The following PCSK2 variants were observed in gnomAD, a reference collection of about 807,000 sequenced individuals.
The protein encoded by PCSK2 is neuroendocrine convertase 2.
A neutral mutation model predicts 69.7 loss-of-function variants in PCSK2; 14 were observed. The ratio of observed to expected loss-of-function variants is 0.20; its 90% CI spans 0.13 to 0.31. The LOEUF (loss-of-function observed/expected upper bound fraction) is 0.31, where lower values mean the gene tolerates loss of function less well. Ranked by LOEUF, PCSK2 falls within the 10% of genes least tolerant of loss-of-function variation. The pLI, the probability that PCSK2 is intolerant of heterozygous loss-of-function variation, is 1.00. For synonymous variants in PCSK2, 307 were observed against 320.7 expected (o/e 0.96, Z 0.46); for missense variants, 544 against 842.5 (o/e 0.65, Z 4.39).
intron 2 of PCSK2, among the ~76,000 whole-genome samples, chr20:17,277,966 A>G (rs1400404719): frequency 6.6e-6 from 1 of 152,138 alleles, no homozygotes; most frequent in Non-Finnish European, 1.5e-5. Flanking sequence ...AACACATGAA[A>G]AAATGCTCAT....
Position 17,453,671 on chromosome 20 carries a change from GCT to G in PCSK2, c.886-70_886-69del. ...ACTGCTGAAGAAGCCCAACCCCTGG[GCT>G]GGAGACCTCCCCTGCCCCCTCGCAG... On this transcript the variant is annotated intron_variant, in intron 8 of 11. Coordinates refer to ENST00000262545, the MANE Select transcript of PCSK2 (RefSeq NM_002594.5). This position sits in a 1 kb window ranked among gnomAD's most constrained non-coding sequence, Gnocchi z 4.0. 18 of 1,570,444 alleles carry G rather than the reference GCT, an allele frequency of 1.1e-5. No homozygotes were observed. Among genetic ancestry groups the G allele is most frequent in the Non-Finnish European group, 1.6e-5 (18 of 1,154,110 alleles).
rs149361296 is a variant in PCSK2 at position 17,367,027 on chromosome 20, G to A, written c.506-2213G>A. On this transcript the variant is annotated intron_variant, in intron 4 of 11. Coordinates refer to ENST00000262545, the MANE Select transcript of PCSK2 (RefSeq NM_002594.5). ...GTGTGTCTTTTTTTACACTTATTTA[G>A]ATAAGTTCGTTTGATCTAGCTAAGT... Among the ~76,000 whole-genome samples, 20 of 151,664 alleles carry A rather than the reference G, an allele frequency of 1.3e-4. No individual in the cohort carries two copies. In the East Asian group the frequency reaches 2.3e-3, roughly 18 times the overall value.
At position 17,391,389 on chromosome 20, in the gene PCSK2, T is replaced by C. The variant is rs76954921; in HGVS notation, c.544-17874T>C. 3.8e-3 allele frequency among the ~76,000 whole-genome samples: 584 copies of C among 151,980 alleles called. 14 individuals carry two copies. In the East Asian group the frequency reaches 0.05, roughly 13 times the overall value. On this transcript the variant is annotated intron_variant, in intron 5 of 11. Transcript: ENST00000262545. ...ATAATGAGGAAATAAAACACATGAT[T>C]TAAAAAAAATAAAAAAACTCATCAA...
chr20:17,465,816 C>T (rs111706281), intron 11 of PCSK2, among the ~76,000 whole-genome samples: 15,038 of 152,120 alleles, frequency 0.099, 818 homozygotes, highest in Non-Finnish European at 0.12. Context: ...CACAGGCATG[C>T]GCCACCACAC....
chr20:17,400,657 G>A (rs1385341924), intron 5 of PCSK2, among the ~76,000 whole-genome samples: 1 of 151,800 alleles, frequency 6.6e-6, no homozygotes, highest in Admixed American at 6.6e-5. Context: ...TAGACCCCAC[G>A]CCTCTCCCCA....
chr20:17,333,410 C>T (rs1043031744), intron 2 of PCSK2, among the ~76,000 whole-genome samples: 7 of 152,254 alleles, frequency 4.6e-5, no homozygotes, highest in African/African-American at 1.7e-4. Context: ...GAATCTCATG[C>T]TTCATGCTCT....
intron 10 of PCSK2, chr20:17,463,572 G>T (rs139282151): frequency 6.7e-6 from 1 of 149,758 alleles, no homozygotes; most frequent in Non-Finnish European, 1.5e-5. Flanking sequence ...GGTTTGTTAC[G>T]TATGTATACA....
intron 9 of PCSK2, among the ~76,000 whole-genome samples, chr20:17,455,335 TAC>T (rs1217135969): frequency 6.6e-6 from 1 of 152,216 alleles, no homozygotes; most frequent in Non-Finnish European, 1.5e-5. Context: ...CCGTCGTTTA[TAC>T]ATGATTTTAA....
chr20:17,452,831 G>T (rs1310356566), intron 8 of PCSK2, among the ~76,000 whole-genome samples: 4 of 152,216 alleles, frequency 2.6e-5, no homozygotes, highest in African/African-American at 7.2e-5. Context: ...TAGGTAGAGA[G>T]GAAAATACTC....
intron 2 of PCSK2, among the ~76,000 whole-genome samples, chr20:17,355,525 G>A (rs564362532): frequency 3.3e-5 from 5 of 152,202 alleles, no homozygotes; most frequent in Non-Finnish European, 5.9e-5. Flanking sequence ...AGGCACTCTT[G>A]CTTCCATAGT....
At chr20:17,314,152 C>T (rs1989604490) in intron 2 of PCSK2, among the ~76,000 whole-genome samples, 1 of 152,122 alleles carries the variant, frequency 6.6e-6, no homozygotes, top group South Asian at 2.1e-4. Context: ...CAATTTTAGC[C>T]ATTTAAACCC....
intron 4 of PCSK2, among the ~76,000 whole-genome samples, chr20:17,365,020 G>A (rs953205417): frequency 6.6e-6 from 1 of 152,186 alleles, no homozygotes; most frequent in African/African-American, 2.4e-5. Context: ...CAGGACTCCA[G>A]GGGATTGGCT....
intron 2 of PCSK2, among the ~76,000 whole-genome samples, chr20:17,352,000 A>T (rs1489789543): frequency 6.6e-6 from 1 of 152,262 alleles, no homozygotes; most frequent in African/African-American, 2.4e-5. Flanking sequence ...AGCTTCAGTA[A>T]CATTTGGGTT....
chr20:17,357,786 C>A (rs1423743941), intron 2 of PCSK2, among the ~76,000 whole-genome samples: 1 of 151,592 alleles, frequency 6.6e-6, no homozygotes, highest in Non-Finnish European at 1.5e-5. Context: ...CCCAGCTACT[C>A]AGGAGCCTGA....
intron 1 of PCSK2, among the ~76,000 whole-genome samples, chr20:17,236,168 A>T (rs2122941165): frequency 6.6e-6 from 1 of 152,250 alleles, no homozygotes; most frequent in East Asian, 1.9e-4. Flanking sequence ...CTGAGATCTC[A>T]TCATATGTGC....
At chr20:17,419,419 G>A (rs1351602843) in intron 6 of PCSK2, among the ~76,000 whole-genome samples, 1 of 152,172 alleles carries the variant, frequency 6.6e-6, no homozygotes, top group African/African-American at 2.4e-5. Context: ...AGCTTGCAAT[G>A]AGCAAAATAC....
chr20:17,447,106 T>G (rs906111067), intron 8 of PCSK2, among the ~76,000 whole-genome samples: 12 of 133,690 alleles, frequency 9.0e-5, no homozygotes, highest in Admixed American at 4.4e-4. Flanking sequence ...AAAAAATAAA[T>G]AAAGAAAAAT....
chr20:17,455,301 A>C (rs2032899041), intron 9 of PCSK2, among the ~76,000 whole-genome samples: 1 of 152,272 alleles, frequency 6.6e-6, no homozygotes, highest in East Asian at 1.9e-4. Context: ...TCTCTTGAGG[A>C]TCCTACAGAC....
intron 11 of PCSK2, chr20:17,479,126 T>C (rs1161148712): frequency 1.5e-6 from 2 of 1,355,888 alleles, no homozygotes; most frequent in East Asian, 2.3e-5. Flanking sequence ...ATACAGTTCA[T>C]GGTCCAGTTC....
Sources: allele counts gnomAD v4.1 joint callset (sites outside exome capture counted in the v4.1 genomes callset), GRCh38; gene constraint gnomAD v4.1.1; non-coding constraint Gnocchi (gnomAD v3.1); transcripts MANE v1.5; gene names NCBI Gene and HGNC (gene_info 2026-07-23, HGNC 2026-07-21).